Variants in DOCK4 observed in about 807,000 individuals in gnomAD.
DOCK4 encodes the protein dedicator of cytokinesis protein 4.
DOCK4 carries 97 observed loss-of-function variants against 268.1 expected under a neutral mutation model. The observed-to-expected ratio is 0.36, with a 90% CI of 0.31 to 0.43. DOCK4 has a LOEUF of 0.43. DOCK4 is among the 20% of genes least tolerant of loss of function. The probability of loss-of-function intolerance (pLI) is 1.00; values close to 1 mark genes in which losing one functional copy is unlikely to be tolerated. For synonymous variants in DOCK4, 954 were observed against 887.2 expected (o/e 1.08, Z -1.34); for missense variants, 2,145 against 2,455.7 (o/e 0.87, Z 2.67).
At chr7:111,973,790 G>C (rs1304280208) in intron 8 of DOCK4, among the ~76,000 whole-genome samples, 1 of 151,828 alleles carries the variant, frequency 6.6e-6, no homozygotes, top group Non-Finnish European at 1.5e-5. Context: ...TCAAACTTTT[G>C]TTGATAGTTG....
At chr7:111,962,003 T>C (rs774479890) in intron 8 of DOCK4, among the ~76,000 whole-genome samples, 1 of 152,216 alleles carries the variant, frequency 6.6e-6, no homozygotes, top group Non-Finnish European at 1.5e-5. Context: ...AGAGCTCATA[T>C]ACCTATCACA....
intron 12 of DOCK4, among the ~76,000 whole-genome samples, chr7:111,927,160 ACT>A (rs1793784284): frequency 6.6e-6 from 1 of 152,136 alleles, no homozygotes; most frequent in Non-Finnish European, 1.5e-5. Flanking sequence ...GAAGTGGGTA[ACT>A]CTGTCCATTG....
chr7:111,877,256 A>G, intron 16 of DOCK4, 70 bp from the exon 17 acceptor site: 1 of 1,198,470 alleles, frequency 8.3e-7, no homozygotes, highest in Non-Finnish European at 1.1e-6. Context: ...AGCATAATTT[A>G]TATTACTAGT....
intron 13 of DOCK4, among the ~76,000 whole-genome samples, chr7:111,904,984 G>C (rs1257304962): frequency 6.6e-6 from 1 of 152,036 alleles, no homozygotes; most frequent in East Asian, 1.9e-4. Context: ...AAATCTTTTA[G>C]ACTAAAACCA....
intron 1 of DOCK4, among the ~76,000 whole-genome samples, chr7:112,078,316 G>A (rs139100629): frequency 6.6e-6 from 1 of 152,156 alleles, no homozygotes; most frequent in African/African-American, 2.4e-5. Context: ...TCTGCTCCCA[G>A]CTACGTCCAA....
chr7:112,083,910 T>C (rs1343533752), intron 1 of DOCK4, among the ~76,000 whole-genome samples: 1 of 152,186 alleles, frequency 6.6e-6, no homozygotes, highest in Admixed American at 6.5e-5. Context: ...TTAGGCTTAG[T>C]GATTGACTTA....
chr7:111,948,394 A>C (rs1795791233), intron 8 of DOCK4, among the ~76,000 whole-genome samples: 1 of 152,142 alleles, frequency 6.6e-6, no homozygotes, highest in African/African-American at 2.4e-5. Context: ...TATCGAGTAA[A>C]TATTTCCAGA....
At chr7:112,135,166 T>C (rs1814207055) in intron 1 of DOCK4, among the ~76,000 whole-genome samples, 1 of 152,178 alleles carries the variant, frequency 6.6e-6, no homozygotes, top group Non-Finnish European at 1.5e-5. Flanking sequence ...TCTTTAATTC[T>C]TTTATATTAC....
At chr7:112,039,373 T>TG (rs35222499) in intron 1 of DOCK4, among the ~76,000 whole-genome samples, 15,057 of 121,860 alleles carry the variant, frequency 0.12, 1,095 homozygotes, top group African/African-American at 0.23. Context: ...GGATTTCATA[T>TG]GGGGGGGGGG....
chr7:111,940,523 C>A (rs527853180), intron 10 of DOCK4, among the ~76,000 whole-genome samples: 34 of 152,134 alleles, frequency 2.2e-4, no homozygotes, highest in African/African-American at 3.4e-4. Flanking sequence ...ATCCCCTGGC[C>A]CCTGAGATTC....
chr7:112,017,774 G>T (rs1387832276), intron 1 of DOCK4, among the ~76,000 whole-genome samples: 4 of 152,078 alleles, frequency 2.6e-5, no homozygotes, highest in Admixed American at 2.6e-4. Context: ...AAATATAGTA[G>T]CTACCTCACC....
chr7:112,158,079 C>T (rs1816784391), intron 1 of DOCK4, among the ~76,000 whole-genome samples: 1 of 152,184 alleles, frequency 6.6e-6, no homozygotes, highest in Non-Finnish European at 1.5e-5. Context: ...CATGGAAGCC[C>T]AGGTTAAAAT....
chr7:111,741,618 T>C lies in DOCK4; in HGVS notation c.4841A>G (p.Asn1614Ser). 3 of 1,613,578 alleles carry C rather than the reference T, an allele frequency of 1.9e-6. No individual in the cohort carries two copies. The highest frequency in any genetic ancestry group is 1.1e-5 in the South Asian group (1 of 90,980). ...CMQASPVHFPNGSPRVCRNSA... is the reference protein window; with the variant it reads ...CMQASPVHFPSGSPRVCRNSA... ...GTTTCTACACACACGAGGGCTTCCA[T>C]TAGGAAAATGGACAGGACTGGCTTG... The change falls in exon 46 of 53, where the codon AAT (asparagine) becomes AGT (serine). Residue 1614 changes from asparagine (N) to serine (S), a missense_variant. By Grantham distance (46) the Asn-to-Ser change is conservative. Transcript: ENST00000428084.
chr7:111,953,202 T>C, intron 8 of DOCK4, among the ~76,000 whole-genome samples: 1 of 125,292 alleles, frequency 8.0e-6, no homozygotes. Context: ...GAATGAGACC[T>C]TGTCTTAAAA....
intron 13 of DOCK4, among the ~76,000 whole-genome samples, chr7:111,909,275 C>A (rs1789413332): frequency 6.6e-6 from 1 of 152,160 alleles, no homozygotes; most frequent in South Asian, 2.1e-4. Flanking sequence ...TGACAATGAA[C>A]TTTTTTACTA....
intron 20 of DOCK4, among the ~76,000 whole-genome samples, chr7:111,871,559 T>C (rs1444415238): frequency 6.6e-6 from 1 of 152,200 alleles, no homozygotes; most frequent in Non-Finnish European, 1.5e-5. Flanking sequence ...ACTCAGTAAA[T>C]CCTAACATAA....
chr7:112,156,911 T>A (rs1027021597), intron 1 of DOCK4, among the ~76,000 whole-genome samples: 40 of 152,280 alleles, frequency 2.6e-4, no homozygotes, highest in African/African-American at 9.6e-4. Flanking sequence ...TATTGAGAAT[T>A]TATGAGACAA....
intron 12 of DOCK4, among the ~76,000 whole-genome samples, chr7:111,926,533 GAA>G (rs1339548466): frequency 1.4e-5 from 2 of 146,232 alleles, no homozygotes; most frequent in Non-Finnish European, 3.0e-5. Flanking sequence ...AAGAAAAAGA[GAA>G]AGAGAAAGAG....
chr7:111,960,301 T>G (rs1796766088), intron 8 of DOCK4, among the ~76,000 whole-genome samples: 1 of 149,976 alleles, frequency 6.7e-6, no homozygotes, highest in South Asian at 2.1e-4. Context: ...GAGGCAGAGG[T>G]TGCAGTGAGC....
Sources: allele counts gnomAD v4.1 joint callset (sites outside exome capture counted in the v4.1 genomes callset), GRCh38; gene constraint gnomAD v4.1.1; transcripts MANE v1.5; gene names NCBI Gene and HGNC (gene_info 2026-07-23, HGNC 2026-07-21).